Variants in TMEM63A observed in about 807,000 individuals in gnomAD.
TMEM63A encodes mechanosensitive cation channel TMEM63A.
A neutral mutation model predicts 100.6 loss-of-function variants in TMEM63A; 76 were observed. That is an observed-to-expected ratio of 0.76 (90% CI 0.63 to 0.91). The LOEUF (loss-of-function observed/expected upper bound fraction) is 0.91, where lower values mean the gene tolerates loss of function less well. TMEM63A is among the 40% of genes least tolerant of loss of function. The probability of loss-of-function intolerance (pLI) is 0.00; values close to 1 mark genes in which losing one functional copy is unlikely to be tolerated. For missense variants in TMEM63A, 876 were observed against 1,008.8 expected (o/e 0.87, Z 1.78); for synonymous variants, 401 against 401.1 (o/e 1.00, Z 0.00).
downstream of TMEM63A, among the ~76,000 whole-genome samples, chr1:225,840,588 C>T (rs11805420): frequency 6.6e-6 from 1 of 152,204 alleles, no homozygotes; most frequent in Non-Finnish European, 1.5e-5. Flanking sequence ...CTAACAGACA[C>T]AAAACTTGTC....
chr1:225,849,375 G>A (rs1326853055), intron 21 of TMEM63A, among the ~76,000 whole-genome samples: 3 of 152,250 alleles, frequency 2.0e-5, no homozygotes, highest in African/African-American at 2.4e-5. Context: ...CAGTCTGACC[G>A]GGGCAGACGT....
intron 20 of TMEM63A, 64 bp from the exon 21 acceptor site, chr1:225,850,143 C>T: frequency 1.3e-6 from 2 of 1,573,506 alleles, no homozygotes; most frequent in Non-Finnish European, 1.7e-6. Flanking sequence ...CTGTCCTCTT[C>T]CTCTCCGGGG....
chr1:225,841,835 C>T (rs953098101), downstream of TMEM63A, among the ~76,000 whole-genome samples: 4 of 152,020 alleles, frequency 2.6e-5, no homozygotes, highest in Non-Finnish European at 5.9e-5. Context: ...AACTCCTTAC[C>T]GCAGGTGATC....
In TMEM63A at chr1:225,862,091, G is replaced by T. The variant is rs1669969539; in HGVS notation, c.1085+127C>A. Reference sequence around the variant, plus strand: ...GTGTGGGTAGCTGAGGGAGGAGAAGGAAACACCACAGATAAATCCCAGGGA... The same window carrying T: ...GTGTGGGTAGCTGAGGGAGGAGAAGTAAACACCACAGATAAATCCCAGGGA... On this transcript the variant is annotated intron_variant, in intron 13 of 24. Coordinates refer to ENST00000366835, the MANE Select transcript of TMEM63A (RefSeq NM_014698.3). This position sits in a 1 kb window ranked among gnomAD's most constrained non-coding sequence, Gnocchi z 5.1. 2 of 1,399,800 alleles carry T rather than the reference G, an allele frequency of 1.4e-6. No individual in the cohort carries two copies. The highest frequency in any genetic ancestry group is 2.6e-4 in the Middle Eastern group (1 of 3,884). 86.7% of individuals were successfully genotyped at this position (1,399,800 alleles called of 1,614,324 possible).
Position 225,868,017 on chromosome 1 carries a change from G to C in TMEM63A, c.385C>G (p.Leu129Val). 6.2e-7 allele frequency: 1 copy of C among 1,614,210 alleles called. No individual in the cohort carries two copies. Among genetic ancestry groups the C allele is most frequent in the Non-Finnish European group, 8.5e-7 (1 of 1,180,040 alleles). The change falls in exon 7 of 25, where the codon CTG becomes GTG. Residue 129 changes from leucine to valine, a missense_variant. Transcript: ENST00000366835. Reference sequence around the variant, plus strand: ...ATGGCGTCCTCCCCACACCATTCCAGGATCTGGTCATCACTGGCCAAGACA... The same window carrying C: ...ATGGCGTCCTCCCCACACCATTCCACGATCTGGTCATCACTGGCCAAGACA... ...AIFRLHDDQI[L>V]EWCGEDAIHY...
chr1:225,856,842 G>A, intron 16 of TMEM63A, 69 bp downstream of exon 16: 1 of 1,585,494 alleles, frequency 6.3e-7, no homozygotes, highest in South Asian at 1.1e-5. Flanking sequence ...GGGGGGTTAG[G>A]GTGTGGACAA....
Position 225,877,628 on chromosome 1 carries a change from T to C in TMEM63A, c.-14-34A>G, listed in dbSNP as rs760904285. On this transcript the variant is annotated intron_variant, in intron 2 of 24. Transcript: ENST00000366835. ...CAGGACAACAGGACAAGGCAGACGT[T>C]CAGGGCTCAAATTTCTTGCAGGTTC... 16 of 1,565,190 alleles carry C rather than the reference T, an allele frequency of 1.0e-5. No homozygotes were observed. In the East Asian group the frequency reaches 3.2e-4, roughly 31 times the overall value.
At chr1:225,869,741 C>A (rs1220489338) in intron 6 of TMEM63A, among the ~76,000 whole-genome samples, 2 of 142,206 alleles carry the variant, frequency 1.4e-5, no homozygotes, top group African/African-American at 5.2e-5. Context: ...TGGCTCACTG[C>A]GACCTCCGCC....
chr1:225,860,182 G>A (rs920592483), intron 14 of TMEM63A: 6 of 152,744 alleles, frequency 3.9e-5, no homozygotes, highest in Admixed American at 3.9e-4. Flanking sequence ...GAACCGAGCA[G>A]AGGGGAGCAC....
intron 15 of TMEM63A, 49 bp downstream of exon 15, chr1:225,859,147 C>G: frequency 6.2e-7 from 1 of 1,612,996 alleles, no homozygotes; most frequent in South Asian, 1.1e-5. Flanking sequence ...CCACCAAGCC[C>G]TCTTCTCACC....
In TMEM63A at chr1:225,852,744, C is replaced by T. The variant is rs142731715; in HGVS notation, c.1823G>A (p.Gly608Glu). 2.5e-6 allele frequency: 4 copies of T among 1,613,944 alleles called. No homozygotes were observed. The African/African-American group carries it at 4.0e-5, about 16-fold the overall frequency. ...KQNQAFQYEF[G>E]AMYAWMLCVF... ...ACACAGCATCCATGCATACATGGCT[C>T]CAAACTCGTACTGGAAGGCCTGGTT... The change falls in exon 20 of 25, where the codon GGA becomes GAA. Residue 608 changes from glycine to glutamate, a missense_variant. Physicochemically the swap from Gly to Glu is moderately conservative, Grantham distance 98. Around this residue, in one of 5 missense-constraint regions of TMEM63A, gnomAD observed 339 missense variants for 342.3 expected, o/e 0.99. Transcript: ENST00000366835.
At chr1:225,876,611 G>A (rs1670814391) in intron 3 of TMEM63A, among the ~76,000 whole-genome samples, 1 of 152,074 alleles carries the variant, frequency 6.6e-6, no homozygotes, top group Non-Finnish European at 1.5e-5. Context: ...ACCTGCTGAA[G>A]GTACGCTCTA....
At chr1:225,878,324 G>C (rs138227370) in intron 2 of TMEM63A, among the ~76,000 whole-genome samples, 10 of 152,282 alleles carry the variant, frequency 6.6e-5, no homozygotes, top group African/African-American at 2.2e-4. Flanking sequence ...GAAAGTAAAG[G>C]GGGTGGTCTA....
At chr1:225,878,255 C>A (rs554894975) in intron 2 of TMEM63A, among the ~76,000 whole-genome samples, 8 of 152,152 alleles carry the variant, frequency 5.3e-5, no homozygotes, top group African/African-American at 1.9e-4. Flanking sequence ...AGAATTGAAT[C>A]CCAAACCCAA....
At chr1:225,863,166 A>C in intron 10 of TMEM63A, 1 of 315,334 alleles carries the variant, frequency 3.2e-6, no homozygotes, top group Non-Finnish European at 6.1e-6. Flanking sequence ...CAATCCTCCC[A>C]CCTCAGCCTC....
chr1:225,855,616 A>T (rs1233279761), intron 18 of TMEM63A, among the ~76,000 whole-genome samples: 1 of 152,116 alleles, frequency 6.6e-6, no homozygotes, highest in Admixed American at 6.5e-5. Context: ...AGTTTCAATG[A>T]ATGAGACAGC....
Position 225,848,985 on chromosome 1 carries a change from G to A in TMEM63A, c.2099C>T (p.Thr700Ile), listed in dbSNP as rs1204389887. 2.6e-6 allele frequency: 4 copies of A among 1,509,836 alleles called. No homozygotes were observed. Among genetic ancestry groups the A allele is most frequent in the African/African-American group, 2.8e-5 (2 of 71,858 alleles). 93.5% of individuals were successfully genotyped at this position (1,509,836 alleles called of 1,614,324 possible). A position where few individuals can be genotyped will look rare whatever the true frequency, so the allele number is the denominator to read the frequency against. The change falls in exon 22 of 25, where the codon ACC becomes ATC. Residue 700 changes from threonine (T) to isoleucine (I), a missense_variant. Thr to Ile is a moderately conservative substitution (Grantham distance 89). This residue lies in a region of TMEM63A where 339 missense variants were observed against 342.3 expected (regional missense o/e 0.99). Coordinates refer to ENST00000366835, the MANE Select transcript of TMEM63A (RefSeq NM_014698.3). Reference sequence around the variant, plus strand: ...GATGGTGAGCAGCAGCACCAGGAAGGTGAACAGAGTGGCGGGGGCCTTCAT... The same window carrying A: ...GATGGTGAGCAGCAGCACCAGGAAGATGAACAGAGTGGCGGGGGCCTTCAT... Reference protein sequence around the residue: ...LGMKAPATLFTFLVLLLTILV... With the variant: ...LGMKAPATLFIFLVLLLTILV...
Position 225,848,986 on chromosome 1 carries a change from T to C in TMEM63A, c.2098A>G (p.Thr700Ala), listed in dbSNP as rs907269802. 6.3e-7 allele frequency: 1 copy of C among 1,598,808 alleles called. No homozygotes were observed. Among genetic ancestry groups the C allele is most frequent in the Middle Eastern group, 1.7e-4 (1 of 6,028 alleles). ...LGMKAPATLF[T>A]FLVLLLTILV... is the part of the protein sequence containing the mutation. ...ATGGTGAGCAGCAGCACCAGGAAGG[T>C]GAACAGAGTGGCGGGGGCCTTCATA... Residue 700 changes from threonine to alanine, a missense_variant, in exon 22 of 25, where the codon ACC (threonine) becomes GCC (alanine). Around this residue, in one of 5 missense-constraint regions of TMEM63A, gnomAD observed 339 missense variants for 342.3 expected, o/e 0.99. Coordinates refer to ENST00000366835, the MANE Select transcript of TMEM63A (RefSeq NM_014698.3).
downstream of TMEM63A, chr1:225,845,299 G>A: frequency 6.2e-7 from 1 of 1,612,550 alleles, no homozygotes; most frequent in Non-Finnish European, 8.5e-7. Context: ...AGCCGGAGCT[G>A]CTCGCCCAGG....
Sources: gnomAD v4.1 joint callset for allele counts (sites outside exome capture counted in the v4.1 genomes callset) on GRCh38, gnomAD v4.1.1 for gene constraint, gnomAD v4.1.1 regional missense constraint, Gnocchi (gnomAD v3.1) non-coding constraint, MANE v1.5 for transcripts, NCBI Gene and HGNC (gene_info 2026-07-23, HGNC 2026-07-21) for gene names.